Variants in DAPK2 observed in about 807,000 individuals in gnomAD.
The protein encoded by DAPK2 is death associated protein kinase 2, also known as death-associated protein kinase 2.
In DAPK2, 35 loss-of-function variants were observed where a neutral mutation model predicts 44.1. The ratio of observed to expected loss-of-function variants is 0.79; its 90% CI spans 0.61 to 1.05. The LOEUF (loss-of-function observed/expected upper bound fraction) is 1.05. DAPK2 is among the 50% of genes least tolerant of loss of function. The pLI, the probability that DAPK2 is intolerant of heterozygous loss-of-function variation, is 0.00. For synonymous variants in DAPK2, 174 were observed against 182.6 expected, an observed-to-expected ratio of 0.95 and a Z score of 0.38; for missense variants, 453 against 483.2, an observed-to-expected ratio of 0.94 and a Z score of 0.59.
intron 4 of DAPK2, among the ~76,000 whole-genome samples, chr15:63,931,314 C>T (rs1480352038): frequency 6.6e-6 from 1 of 152,154 alleles, no homozygotes; most frequent in Non-Finnish European, 1.5e-5. Flanking sequence ...AAAGAGTTGT[C>T]TGTTATCCTG....
intron 10 of DAPK2, chr15:63,911,118 C>A: frequency 6.5e-6 from 1 of 153,310 alleles, no homozygotes; most frequent in South Asian, 2.0e-4. Flanking sequence ...ACTCAGGAGG[C>A]TGACGCAGGA....
At chr15:63,922,373 G>C (rs2079099018) in intron 8 of DAPK2, 1 of 1,040,966 alleles carries the variant, frequency 9.6e-7, no homozygotes, top group Non-Finnish European at 1.2e-6. Flanking sequence ...CAGTCCATAA[G>C]GTATGTAGGC....
intron 1 of DAPK2, among the ~76,000 whole-genome samples, chr15:64,003,109 G>C (rs557813680): frequency 2.0e-5 from 3 of 151,950 alleles, no homozygotes; most frequent in African/African-American, 7.3e-5. Flanking sequence ...TAGGCTTGGA[G>C]GCTGAGGAGG....
intron 1 of DAPK2, among the ~76,000 whole-genome samples, chr15:63,992,915 CA>C (rs1368882864): frequency 6.6e-6 from 1 of 152,190 alleles, no homozygotes; most frequent in Non-Finnish European, 1.5e-5. Context: ...GAGACAGAAC[CA>C]AAGGATAATA....
At chr15:63,933,970 T>C (rs943505321) in intron 4 of DAPK2, among the ~76,000 whole-genome samples, 2 of 152,228 alleles carry the variant, frequency 1.3e-5, no homozygotes, top group Non-Finnish European at 2.9e-5. Context: ...CTGAGATACA[T>C]ACACTTTTAT....
intron 3 of DAPK2, among the ~76,000 whole-genome samples, chr15:63,945,090 C>T (rs1195879810): frequency 6.6e-6 from 1 of 152,186 alleles, no homozygotes; most frequent in Non-Finnish European, 1.5e-5. Flanking sequence ...GATTTAAACT[C>T]CTGAGCTCAA....
At position 63,971,579 on chromosome 15, in the gene DAPK2, G is replaced by C. The variant is rs200481293; in HGVS notation, c.315-18C>G. 4.8e-5 allele frequency: 78 copies of C among 1,613,042 alleles called. No homozygotes were observed. The highest frequency in any genetic ancestry group is 1.1e-4 in the South Asian group (10 of 90,986). ...CAGACACTCTGTAAAACACCAGCGG[G>C]GGGAGGGGAGGCCCAGGCCCAGTCA... On this transcript the variant is annotated intron_variant, in intron 2 of 10. Coordinates refer to ENST00000261891, the Ensembl canonical transcript of DAPK2.
chr15:64,023,462 T>C (rs905922210), intron 1 of DAPK2, among the ~76,000 whole-genome samples: 6 of 152,168 alleles, frequency 3.9e-5, no homozygotes, highest in African/African-American at 1.4e-4. Flanking sequence ...GAGTCTAACA[T>C]GAGCAAAGGC....
chr15:63,959,087 T>C (rs2077812011), intron 3 of DAPK2, among the ~76,000 whole-genome samples: 1 of 152,212 alleles, frequency 6.6e-6, no homozygotes, highest in African/African-American at 2.4e-5. Context: ...GTAAGTTGGA[T>C]TCCTAGGCAT....
chr15:64,009,084 C>A (rs116695307), intron 1 of DAPK2, among the ~76,000 whole-genome samples: 1,620 of 152,248 alleles, frequency 0.011, 36 homozygotes, highest in African/African-American at 0.037. Flanking sequence ...CCTGTGCATA[C>A]CTCCATCATG....
At chr15:64,024,894 C>T (rs942532171) in intron 1 of DAPK2, among the ~76,000 whole-genome samples, 2 of 152,098 alleles carry the variant, frequency 1.3e-5, no homozygotes, top group African/African-American at 4.8e-5. Context: ...CCACCAGGGG[C>T]CAGTGTTTCA....
intron 1 of DAPK2, among the ~76,000 whole-genome samples, chr15:64,022,956 C>T (rs2079735313): frequency 6.6e-6 from 1 of 152,216 alleles, no homozygotes; most frequent in African/African-American, 2.4e-5. Flanking sequence ...TCTTTCCAAA[C>T]TCCCTTAGGG....
chr15:64,004,086 C>T lies in DAPK2; in HGVS notation c.93-20332G>A, dbSNP rs184019256. ...CCTCTTTTAATCTTTAGGTTCTTCT[C>T]TCTCTCTCTCTCTCCCTTCCCAGAG... On this transcript the variant is annotated intron_variant, in intron 1 of 10. Coordinates refer to ENST00000261891, the Ensembl canonical transcript of DAPK2. 8.0e-3 allele frequency among the ~76,000 whole-genome samples: 1,205 copies of T among 151,030 alleles called. 18 individuals are homozygous for T. The highest frequency in any genetic ancestry group is 0.025 in the African/African-American group (1,020 of 40,566).
In DAPK2 at chr15:63,912,257, T is replaced by G; in HGVS notation, c.859-60A>C. 2.6e-6 allele frequency: 4 copies of G among 1,558,086 alleles called. No individual in the cohort carries two copies. The South Asian group carries it at 4.5e-5, about 18-fold the overall frequency. On this transcript the variant is annotated intron_variant, in intron 8 of 10. Coordinates refer to ENST00000261891, the Ensembl canonical transcript of DAPK2. This position sits in a 1 kb window ranked among gnomAD's most constrained non-coding sequence, Gnocchi z 4.4. ...GGGCTTCAGACAGCAGCCACCCTCCTCGCCGCAGAACTCCCCACCCACCGC... is the reference window on the plus strand; with the variant it reads ...GGGCTTCAGACAGCAGCCACCCTCCGCGCCGCAGAACTCCCCACCCACCGC...
intron 10 of DAPK2, chr15:63,909,677 C>G (rs1222309270): frequency 6.6e-6 from 1 of 152,166 alleles, no homozygotes; most frequent in Non-Finnish European, 1.5e-5. Context: ...TGGTGCAAGC[C>G]TGTAATCCCA....
At chr15:64,011,390 T>C (rs1404800096) in intron 1 of DAPK2, among the ~76,000 whole-genome samples, 1 of 152,068 alleles carries the variant, frequency 6.6e-6, no homozygotes, top group Non-Finnish European at 1.5e-5. Flanking sequence ...TGAAACCCCA[T>C]CTCTAACTAA....
At chr15:64,025,319 T>A (rs1358586002) in intron 1 of DAPK2, among the ~76,000 whole-genome samples, 1 of 152,176 alleles carries the variant, frequency 6.6e-6, no homozygotes, top group Non-Finnish European at 1.5e-5. Flanking sequence ...ACCTCAGAGC[T>A]TAGTGCAGGG....
chr15:63,921,851 C>G (rs2079080802), intron 8 of DAPK2: 1 of 152,170 alleles, frequency 6.6e-6, no homozygotes, highest in Admixed American at 6.5e-5. Context: ...GGTCTTCAGA[C>G]AGAGACAGGG....
At chr15:64,036,271 AT>A in intron 1 of DAPK2, among the ~76,000 whole-genome samples, 2 of 85,338 alleles carry the variant, frequency 2.3e-5, no homozygotes, top group South Asian at 8.5e-4. Context: ...AAATATATAT[AT>A]ATGTGTGTGT....
Sources: allele counts gnomAD v4.1 joint callset (sites outside exome capture counted in the v4.1 genomes callset), GRCh38; gene constraint gnomAD v4.1.1; non-coding constraint Gnocchi (gnomAD v3.1); transcripts MANE v1.5; gene names NCBI Gene and HGNC (gene_info 2026-07-23, HGNC 2026-07-21).